Variants in GET1 observed in about 807,000 individuals in gnomAD.
The protein encoded by GET1 is guided entry of tail-anchored proteins factor 1.
Under a neutral mutation model 22.6 loss-of-function variants are expected in GET1, and 20 were observed. The observed-to-expected ratio is 0.89, with a 90% CI of 0.62 to 1.29. The LOEUF (loss-of-function observed/expected upper bound fraction) is 1.29, where lower values mean the gene tolerates loss of function less well. GET1 is among the 50% of genes most tolerant of loss of function. The pLI, the probability that GET1 is intolerant of heterozygous loss-of-function variation, is 0.00. For missense variants in GET1, 209 were observed against 219.9 expected (o/e 0.95, Z 0.31); for synonymous variants, 92 against 83.8 (o/e 1.10, Z -0.53).
chr21:39,410,099 G>A (rs952446574), downstream of GET1: 3 of 1,588,834 alleles, frequency 1.9e-6, no homozygotes, highest in Middle Eastern at 1.7e-4. Context: ...TTTTTACCCT[G>A]TAATTTAGAA....
chr21:39,397,404 A>C lies in GET1; in HGVS notation c.*465A>C, dbSNP rs180876541. On this transcript the variant is annotated 3_prime_UTR_variant, in exon 5 of 5. Coordinates refer to ENST00000649170, the MANE Select transcript of GET1 (RefSeq NM_004627.6). ...AAAATTTCTTCTTTAATCACATTCA[A>C]TATGGTTAAAAGAACAACACTAATT... is the stretch of plus-strand genomic sequence containing the variant. 1.9e-5 allele frequency: 3 copies of C among 158,260 alleles called. No homozygotes were observed. The highest frequency in any genetic ancestry group is 7.2e-5 in the African/African-American group (3 of 41,490). 9.8% of individuals were successfully genotyped at this position (158,260 alleles called of 1,614,324 possible). A position where few individuals can be genotyped will look rare whatever the true frequency, so the allele number is the denominator to read the frequency against.
chr21:39,417,182 A>AG lies in GET1; in HGVS notation c.*23+6245_*23+6246insG, dbSNP rs1369096903. The stretch of plus-strand genomic sequence containing the variant: ...TGAGTAGCTGGGATTACAGGCGCGC[A>AG]CCACCACACCTGGCTAATTTTTTTA... On this transcript the variant is annotated intron_variant, in intron 1 of 1. Transcript: ENST00000478273. Among the ~76,000 whole-genome samples, 49 of 152,072 alleles carry AG rather than the reference A, an allele frequency of 3.2e-4. 1 individual carries two copies. Among genetic ancestry groups the AG allele is most frequent in the Admixed American group, 2.6e-3 (40 of 15,272 alleles).
In GET1 at chr21:39,396,925, C is replaced by T. The variant is rs929824669; in HGVS notation, c.511C>T (p.His171Tyr). 1.9e-6 allele frequency: 3 copies of T among 1,614,108 alleles called. No homozygotes were observed. The highest frequency in any genetic ancestry group is 1.7e-5 in the Admixed American group (1 of 60,010). The change falls in exon 5 of 5, where the codon CAT becomes TAT. Residue 171 changes from histidine (H) to tyrosine (Y), a missense_variant. By Grantham distance (83) the His-to-Tyr change is moderately conservative. Coordinates refer to ENST00000649170, the MANE Select transcript of GET1 (RefSeq NM_004627.6). ...TAACAAAGTTGTCGCTATTGTGCTTCATCCGTTCAGCTGAACAGGAGGATG... is the reference window on the plus strand; with the variant it reads ...TAACAAAGTTGTCGCTATTGTGCTTTATCCGTTCAGCTGAACAGGAGGATG... ...VCNKVVAIVL[H>Y]PFS
Position 39,396,959 on chromosome 21 carries a change from C to G in GET1, c.*20C>G. 1 of 1,611,956 alleles carries G rather than the reference C, an allele frequency of 6.2e-7. No homozygotes were observed. Among genetic ancestry groups the G allele is most frequent in the East Asian group, 2.2e-5 (1 of 44,842 alleles). On this transcript the variant is annotated 3_prime_UTR_variant, in exon 5 of 5. Transcript: ENST00000649170. ...AGCTGAACAGGAGGATGGATACAGC[C>G]GCGAGGCTAAAAAACGGATTTCCTC...
intron 1 of GET1, among the ~76,000 whole-genome samples, chr21:39,418,623 C>T (rs1303463445): frequency 1.3e-5 from 2 of 152,114 alleles, no homozygotes; most frequent in African/African-American, 4.8e-5. Context: ...GCCTCAGCCT[C>T]CCAAGTAATG....
intron 1 of GET1, among the ~76,000 whole-genome samples, chr21:39,424,218 G>A (rs2074253299): frequency 6.6e-6 from 1 of 152,076 alleles, no homozygotes; most frequent in Non-Finnish European, 1.5e-5. Flanking sequence ...TCACCATGTT[G>A]GCCAGGCTGG....
At chr21:39,400,073 A>C (rs1302621786), downstream of GET1, among the ~76,000 whole-genome samples, 1 of 152,104 alleles carries the variant, frequency 6.6e-6, no homozygotes, top group Non-Finnish European at 1.5e-5. Flanking sequence ...AAGGGGCTGG[A>C]ATGCTAGGCA....
chr21:39,414,718 CT>C (rs869153280), intron 1 of GET1, among the ~76,000 whole-genome samples: 3 of 41,826 alleles, frequency 7.2e-5, no homozygotes, highest in Admixed American at 3.1e-4. Context: ...CTCTCCCTCT[CT>C]CTCTCTCTCT....
chr21:39,422,882 G>A, intron 1 of GET1: 1 of 1,136,018 alleles, frequency 8.8e-7, no homozygotes, highest in Non-Finnish European at 1.3e-6. Context: ...AGTTAGTAAT[G>A]CTTTGTTACA....
intron 3 of GET1, chr21:39,392,049 T>A (rs1294353131): frequency 1.9e-6 from 1 of 539,834 alleles, no homozygotes; most frequent in Non-Finnish European, 3.3e-6. Flanking sequence ...AGTTTGGGAC[T>A]TTTTGGCAGA....
rs558832986 is a variant in GET1 at position 39,383,298 on chromosome 21, T to G, written c.102+2812T>G. 1.4e-3 allele frequency among the ~76,000 whole-genome samples: 218 copies of G among 151,180 alleles called. 2 individuals are homozygous for G. Among genetic ancestry groups the G allele is most frequent in the African/African-American group, 4.8e-3 (197 of 41,144 alleles). ...TATTTTATTTTGTTTATTTATTTTT[T>G]GAGACAGAGTCTTGCTCTTGTTGCC... On this transcript the variant is annotated intron_variant, in intron 1 of 4. Transcript: ENST00000649170.
At chr21:39,401,921 T>G (rs1044917519), downstream of GET1, among the ~76,000 whole-genome samples, 1 of 152,122 alleles carries the variant, frequency 6.6e-6, no homozygotes, top group Non-Finnish European at 1.5e-5. Context: ...GTGTGCTGAC[T>G]GCACCACTGA....
In GET1 at chr21:39,397,566, A is replaced by G. The variant is rs557363884; in HGVS notation, c.*627A>G. On this transcript the variant is annotated 3_prime_UTR_variant, in exon 5 of 5. Transcript: ENST00000649170. ...AAATGTATCCACGAGACCATGATGC[A>G]TTGTTTTGTGCTCAACTTGTGTTTT... 7.2e-5 allele frequency: 11 copies of G among 152,398 alleles called. No homozygotes were observed. The highest frequency in any genetic ancestry group is 2.4e-4 in the African/African-American group (10 of 41,564). The allele number at this position is 152,398 out of a possible 1,614,324, so 9.4% of individuals were successfully genotyped here.
downstream of GET1, among the ~76,000 whole-genome samples, chr21:39,400,389 C>T (rs142311905): frequency 4.7e-3 from 717 of 152,280 alleles, 4 homozygotes; most frequent in African/African-American, 0.016. Flanking sequence ...TCAGTGATGA[C>T]GCAAGTGCCT....
downstream of GET1, among the ~76,000 whole-genome samples, chr21:39,402,785 T>C (rs1185555856): frequency 6.6e-6 from 1 of 152,180 alleles, no homozygotes; most frequent in Non-Finnish European, 1.5e-5. Flanking sequence ...ATGTTCATCA[T>C]AGCAAACATG....
At chr21:39,384,324 TC>T (rs2037747686) in intron 1 of GET1, among the ~76,000 whole-genome samples, 1 of 151,976 alleles carries the variant, frequency 6.6e-6, no homozygotes, top group African/African-American at 2.4e-5. Context: ...TGGCGCTATC[TC>T]GGCTCACTGC....
At position 39,380,485 on chromosome 21, in the gene GET1, T is replaced by A. The variant is rs1218963686; in HGVS notation, c.101T>A (p.Phe34Tyr). The A allele has an allele frequency of 1.2e-6, 2 of 1,610,870 alleles. No homozygotes were observed. Among genetic ancestry groups the A allele is most frequent in the Admixed American group, 3.3e-5 (2 of 59,750 alleles). ...LRILLPSFSSFMSRVLQKDAE... is the reference protein window; with the variant it reads ...LRILLPSFSSYMSRVLQKDAE... ...ATCCTCCTCCCGTCCTTCTCATCCT[T>A]CGTAAGTGGCTGCCTGGCCTCCCAA... Residue 34 changes from phenylalanine to tyrosine, a missense_variant and splice_region_variant, in exon 1 of 5, where the codon TTC becomes TAC. Coordinates refer to ENST00000649170, the MANE Select transcript of GET1 (RefSeq NM_004627.6).
chr21:39,403,686 A>ATC (rs1441569130), intron 4 of GET1, among the ~76,000 whole-genome samples: 3 of 150,506 alleles, frequency 2.0e-5, no homozygotes, highest in African/African-American at 7.4e-5. Flanking sequence ...CAGTGGCGGG[A>ATC]TCTTGGCTCA....
At chr21:39,382,810 T>G (rs1415614830) in intron 1 of GET1, among the ~76,000 whole-genome samples, 4 of 152,182 alleles carry the variant, frequency 2.6e-5, no homozygotes, top group African/African-American at 9.7e-5. Flanking sequence ...CTATGTTGAA[T>G]TTTTTTGAAA....
Sources: gnomAD v4.1 joint callset for allele counts (sites outside exome capture counted in the v4.1 genomes callset) on GRCh38, gnomAD v4.1.1 for gene constraint, MANE v1.5 for transcripts, NCBI Gene and HGNC (gene_info 2026-07-23, HGNC 2026-07-21) for gene names.